The following ATF7IP2 variants were observed in gnomAD, a reference collection of about 807,000 sequenced individuals.
The protein encoded by ATF7IP2 is activating transcription factor 7-interacting protein 2.
ATF7IP2 carries 42 observed loss-of-function variants against 64.2 expected under a neutral mutation model. That is an observed-to-expected ratio of 0.65 (90% CI 0.51 to 0.85). ATF7IP2 has a LOEUF of 0.85. Ranked by LOEUF, ATF7IP2 falls within the 40% of genes least tolerant of loss-of-function variation. ATF7IP2 has a pLI of 0.00. For synonymous variants in ATF7IP2, 308 were observed against 272.8 expected (o/e 1.13, Z -1.27); for missense variants, 933 against 784.2 (o/e 1.19, Z -2.27).
intron 1 of ATF7IP2, among the ~76,000 whole-genome samples, chr16:10,408,014 C>A (rs371796142): frequency 3.3e-5 from 5 of 151,842 alleles, no homozygotes; most frequent in Admixed American, 6.6e-5. Context: ...TGGGTTCAAG[C>A]GATTCTCCAG....
intron 12 of ATF7IP2, among the ~76,000 whole-genome samples, chr16:10,480,144 C>T (rs138248375): frequency 0.012 from 1,851 of 151,804 alleles, 20 homozygotes; most frequent in Non-Finnish European, 0.02. Flanking sequence ...CGCGCCACCA[C>T]ACCCAGCTAA....
intron 1 of ATF7IP2, among the ~76,000 whole-genome samples, chr16:10,389,950 T>C (rs145995532): frequency 0.02 from 2,978 of 152,290 alleles, 43 homozygotes; most frequent in Middle Eastern, 0.048. Context: ...ATAATAACTG[T>C]TTTGTGTTTG....
chr16:10,468,134 C>G (rs1378683493), intron 9 of ATF7IP2, among the ~76,000 whole-genome samples: 6 of 152,106 alleles, frequency 3.9e-5, no homozygotes. Context: ...CCCACCTCCA[C>G]CTCCCAAAGT....
At chr16:10,466,646 A>G (rs1413923730) in intron 9 of ATF7IP2, among the ~76,000 whole-genome samples, 1 of 152,110 alleles carries the variant, frequency 6.6e-6, no homozygotes, top group Middle Eastern at 3.2e-3. Context: ...AGCCATTTGG[A>G]TATCTTCTTT....
intron 8 of ATF7IP2, chr16:10,446,693 A>G (rs2048816693): frequency 6.6e-6 from 1 of 152,150 alleles, no homozygotes; most frequent in Non-Finnish European, 1.5e-5. Flanking sequence ...TCCTTTCATT[A>G]TCTTTCCATA....
At chr16:10,434,839 CCA>C (rs1465767320) in intron 6 of ATF7IP2, among the ~76,000 whole-genome samples, 1 of 152,140 alleles carries the variant, frequency 6.6e-6, no homozygotes, top group Non-Finnish European at 1.5e-5. Flanking sequence ...ACTTTGTCAC[CCA>C]GACTGGAGTG....
chr16:10,464,870 T>C (rs1388046551), intron 9 of ATF7IP2, among the ~76,000 whole-genome samples: 1 of 152,190 alleles, frequency 6.6e-6, no homozygotes, highest in Non-Finnish European at 1.5e-5. Context: ...GCTCTTGTTA[T>C]CCAGGCTGGA....
intron 1 of ATF7IP2, among the ~76,000 whole-genome samples, chr16:10,411,163 T>G (rs1271555914): frequency 1.3e-5 from 2 of 152,152 alleles, no homozygotes; most frequent in Admixed American, 6.5e-5. Context: ...GGGATGTTGG[T>G]CTGTAGTTTC....
chr16:10,401,314 C>T (rs966535181), intron 1 of ATF7IP2, among the ~76,000 whole-genome samples: 14 of 151,974 alleles, frequency 9.2e-5, no homozygotes, highest in African/African-American at 2.9e-4. Flanking sequence ...ATTACAGGTG[C>T]GTACCACCAT....
chr16:10,409,140 A>G (rs1177697167), intron 1 of ATF7IP2, among the ~76,000 whole-genome samples: 1 of 152,142 alleles, frequency 6.6e-6, no homozygotes, highest in East Asian at 1.9e-4. Context: ...CAGACTGCAC[A>G]TTCTAAGTTG....
intron 1 of ATF7IP2, among the ~76,000 whole-genome samples, chr16:10,401,284 C>T (rs1260510419): frequency 6.6e-6 from 1 of 152,068 alleles, no homozygotes; most frequent in Non-Finnish European, 1.5e-5. Context: ...TCTCCTGCCC[C>T]AGCATCCCGA....
intron 10 of ATF7IP2, 58 bp from the exon 11 acceptor site, chr16:10,473,421 T>C: frequency 1.8e-6 from 2 of 1,087,570 alleles, no homozygotes; most frequent in Non-Finnish European, 1.4e-6. Context: ...AGCATTCATA[T>C]TTCACAAAGC....
At position 10,482,731 on chromosome 16, in the gene ATF7IP2, A is replaced by AAAAG. The variant is rs1295864044; in HGVS notation, c.*484_*487dup. 3 of 151,128 alleles carry AAAAG rather than the reference A, an allele frequency of 2.0e-5. No homozygotes were observed. Among genetic ancestry groups the AAAAG allele is most frequent in the Admixed American group, 6.6e-5 (1 of 15,232 alleles). The allele number at this position is 151,128 out of a possible 1,614,324, so 9.4% of individuals were successfully genotyped here. A position where few individuals can be genotyped will look rare whatever the true frequency, so the allele number is the denominator to read the frequency against. Reference sequence around the variant, plus strand: ...ATGATAAAAGTTAATTATAAAAATTAAAAGATTTTTTTTTTTGAGATGGAA... The same window carrying AAAAG: ...ATGATAAAAGTTAATTATAAAAATTAAAAGAAAGATTTTTTTTTTTGAGATGGAA... On this transcript the variant is annotated 3_prime_UTR_variant, in exon 14 of 14. Transcript: ENST00000562102.
chr16:10,470,009 T>C (rs2142061138), intron 9 of ATF7IP2, among the ~76,000 whole-genome samples: 1 of 152,102 alleles, frequency 6.6e-6, no homozygotes, highest in African/African-American at 2.4e-5. Context: ...TCAACAGACC[T>C]ACATTACAAG....
At chr16:10,396,349 G>T (rs1336347237) in intron 1 of ATF7IP2, among the ~76,000 whole-genome samples, 1 of 152,040 alleles carries the variant, frequency 6.6e-6, no homozygotes, top group Non-Finnish European at 1.5e-5. Flanking sequence ...TCTGTTGATT[G>T]TTCTCTTCCT....
intron 9 of ATF7IP2, among the ~76,000 whole-genome samples, chr16:10,468,985 A>T (rs933311271): frequency 6.6e-6 from 1 of 152,238 alleles, no homozygotes; most frequent in South Asian, 2.1e-4. Context: ...GCAAGCTTCA[A>T]AGGAATCAGG....
intron 1 of ATF7IP2, among the ~76,000 whole-genome samples, chr16:10,403,839 G>A (rs1361427854): frequency 6.6e-6 from 1 of 152,158 alleles, no homozygotes; most frequent in Non-Finnish European, 1.5e-5. Context: ...AAAGCCTCAA[G>A]TATAGATCAG....
intron 3 of ATF7IP2, among the ~76,000 whole-genome samples, chr16:10,425,533 C>A (rs1468095962): frequency 6.6e-6 from 1 of 151,984 alleles, no homozygotes; most frequent in East Asian, 1.9e-4. Context: ...GGATTAAATT[C>A]TGTTGAAAGA....
At chr16:10,417,209 C>T (rs2047896260) in intron 2 of ATF7IP2, among the ~76,000 whole-genome samples, 1 of 152,078 alleles carries the variant, frequency 6.6e-6, no homozygotes, top group African/African-American at 2.4e-5. Context: ...GATAATGTGA[C>T]AGGATCAAAA....
Sources: allele counts gnomAD v4.1 joint callset (sites outside exome capture counted in the v4.1 genomes callset), GRCh38; gene constraint gnomAD v4.1.1; transcripts MANE v1.5; gene names NCBI Gene and HGNC (gene_info 2026-07-23, HGNC 2026-07-21).